PNRC2: variants seen among roughly 807,000 people sequenced by gnomAD.
The protein encoded by PNRC2 is proline-rich nuclear receptor coactivator 2.
PNRC2 carries 2 observed loss-of-function variants against 12.2 expected under a neutral mutation model. That is an observed-to-expected ratio of 0.16 (90% CI 0.07 to 0.52). The LOEUF (loss-of-function observed/expected upper bound fraction) is 0.52. Among genes scored for constraint, PNRC2 ranks in the 20% least tolerant of loss-of-function variants. The pLI is 0.95. For synonymous variants in PNRC2, 44 were observed against 53.9 expected (o/e 0.82, Z 0.80); for missense variants, 115 against 158.4 (o/e 0.73, Z 1.47).
chr1:23,961,017 C>A lies in PNRC2; in HGVS notation c.-136C>A, dbSNP rs1056317395. ...AACTCAGCAGATCGGCCCATGAAAA[C>A]TTCTGTATTGAGACAAAGGAAGGGA... On this transcript the variant is annotated 5_prime_UTR_variant, in exon 2 of 3. Coordinates refer to ENST00000334351, the MANE Select transcript of PNRC2 (RefSeq NM_017761.4). The A allele has an allele frequency of 3.2e-5, 13 of 402,984 alleles. No homozygotes were observed. The highest frequency in any genetic ancestry group is 2.7e-4 in the African/African-American group (13 of 48,638). 25.0% of individuals were successfully genotyped at this position (402,984 alleles called of 1,614,324 possible).
Sources: allele counts gnomAD v4.1 joint callset, GRCh38; gene constraint gnomAD v4.1.1; transcripts MANE v1.5; gene names NCBI Gene and HGNC (gene_info 2026-07-23, HGNC 2026-07-21).